The following FHIT variants were observed in gnomAD, a reference collection of about 807,000 sequenced individuals.
FHIT encodes the protein bis(5'-adenosyl)-triphosphatase.
Under a neutral mutation model 17.9 loss-of-function variants are expected in FHIT, and 19 were observed. The ratio of observed to expected loss-of-function variants is 1.06; its 90% confidence interval spans 0.74 to 1.56. The LOEUF is 1.56. Among genes scored for constraint, FHIT ranks in the 40% most tolerant of loss-of-function variants. The pLI is 0.00. For missense variants in FHIT, 248 were observed against 189.2 expected (o/e 1.31, Z -1.82); for synonymous variants, 81 against 69.7 (o/e 1.16, Z -0.81).
chr3:60,806,823 G>A (rs1415884521), intron 4 of FHIT, among the ~76,000 whole-genome samples: 1 of 152,220 alleles, frequency 6.6e-6, no homozygotes, highest in Non-Finnish European at 1.5e-5. Flanking sequence ...GGAGTGCATA[G>A]AAGGATTAAG....
chr3:60,150,610 T>C (rs907261734), intron 5 of FHIT, among the ~76,000 whole-genome samples: 2 of 152,190 alleles, frequency 1.3e-5, no homozygotes, highest in Non-Finnish European at 2.9e-5. Flanking sequence ...GTGTGCACCT[T>C]AATTATTTTA....
At chr3:59,861,169 G>A (rs191203178) in intron 8 of FHIT, among the ~76,000 whole-genome samples, 2 of 152,122 alleles carry the variant, frequency 1.3e-5, no homozygotes, top group African/African-American at 2.4e-5. Context: ...TGGTATATAG[G>A]GTAAGTGCAA....
At chr3:60,871,852 G>T (rs548859614) in intron 3 of FHIT, among the ~76,000 whole-genome samples, 8 of 151,682 alleles carry the variant, frequency 5.3e-5, no homozygotes, top group African/African-American at 1.9e-4. Flanking sequence ...TTGTAGAGAC[G>T]AGGTCTTGCT....
intron 5 of FHIT, among the ~76,000 whole-genome samples, chr3:60,484,903 C>A (rs188316075): frequency 1.2e-4 from 18 of 152,102 alleles, no homozygotes; most frequent in Admixed American, 1.1e-3. Flanking sequence ...TTGCAATCTA[C>A]GCATCTGACA....
intron 8 of FHIT, among the ~76,000 whole-genome samples, chr3:59,824,416 A>C (rs1287230499): frequency 6.6e-6 from 1 of 152,258 alleles, no homozygotes; most frequent in East Asian, 1.9e-4. Context: ...AAGCAACAGC[A>C]CATGCTAGGT....
intron 5 of FHIT, among the ~76,000 whole-genome samples, chr3:60,135,726 C>A (rs984259704): frequency 6.6e-6 from 1 of 152,114 alleles, no homozygotes; most frequent in East Asian, 1.9e-4. Context: ...AAGGACATAG[C>A]AGAGACTCCA....
At chr3:60,861,366 C>T (rs1703880718) in intron 3 of FHIT, among the ~76,000 whole-genome samples, 1 of 145,746 alleles carries the variant, frequency 6.9e-6, no homozygotes, top group Non-Finnish European at 1.5e-5. Context: ...CTGGGCACTA[C>T]TGATATTTTG....
intron 5 of FHIT, among the ~76,000 whole-genome samples, chr3:60,159,576 T>C (rs1255117020): frequency 6.6e-6 from 1 of 152,212 alleles, no homozygotes; most frequent in Non-Finnish European, 1.5e-5. Flanking sequence ...TTCTTAGCAA[T>C]CTACCTTTTT....
rs147242588 is a variant in FHIT at position 60,265,739 on chromosome 3, T to C, written c.104-251587A>G. On this transcript the variant is annotated intron_variant, in intron 5 of 9. Coordinates refer to ENST00000492590, the MANE Select transcript of FHIT (RefSeq NM_002012.4). Reference sequence around the variant, plus strand: ...CTTTTTCAACTCAATAATAAATAGATGATTCAAATTTTTTAAATGGGTAAA... The same window carrying C: ...CTTTTTCAACTCAATAATAAATAGACGATTCAAATTTTTTAAATGGGTAAA... Among the ~76,000 whole-genome samples the C allele has an allele frequency of 3.2e-4, 49 of 152,002 alleles. 1 individual carries two copies. In the East Asian group the frequency reaches 5.0e-3, roughly 16 times the overall value.
chr3:60,283,458 G>A (rs1253619230), intron 5 of FHIT, among the ~76,000 whole-genome samples: 1 of 151,926 alleles, frequency 6.6e-6, no homozygotes, highest in Non-Finnish European at 1.5e-5. Context: ...GTAATTCAAT[G>A]CTTTTCAGTA....
At chr3:59,985,252 C>G (rs560429138) in intron 7 of FHIT, among the ~76,000 whole-genome samples, 4 of 152,228 alleles carry the variant, frequency 2.6e-5, no homozygotes, top group African/African-American at 9.6e-5. Flanking sequence ...CCCAAATGAT[C>G]TCCATTACAA....
At chr3:60,760,952 A>T (rs1445357962) in intron 4 of FHIT, among the ~76,000 whole-genome samples, 1 of 151,972 alleles carries the variant, frequency 6.6e-6, no homozygotes, top group African/African-American at 2.4e-5. Context: ...TTTATTTTAG[A>T]CTCTTTCTCA....
At chr3:60,091,250 G>C (rs1703717683) in intron 5 of FHIT, among the ~76,000 whole-genome samples, 1 of 152,196 alleles carries the variant, frequency 6.6e-6, no homozygotes. Flanking sequence ...AGCCCATCCA[G>C]GCAAGGACAT....
chr3:60,839,727 G>T (rs1255762494), intron 3 of FHIT, among the ~76,000 whole-genome samples: 1 of 151,972 alleles, frequency 6.6e-6, no homozygotes, highest in Non-Finnish European at 1.5e-5. Context: ...CTGACCCTCT[G>T]CCCAGCCACA....
intron 4 of FHIT, among the ~76,000 whole-genome samples, chr3:60,596,486 A>T (rs541029554): frequency 6.6e-6 from 1 of 152,002 alleles, no homozygotes; most frequent in Non-Finnish European, 1.5e-5. Context: ...AACATGACCT[A>T]ATCTCCAAAA....
In FHIT at chr3:61,024,424, G is replaced by T. The variant is rs560014720; in HGVS notation, c.-111+17623C>A. On this transcript the variant is annotated intron_variant, in intron 3 of 9. Transcript: ENST00000492590. ...CTGGTAAGATTAGGTCTTCAAAGAGGCTGAGCTAAGAATTCTCCTAAGCTT... is the reference window on the plus strand; with the variant it reads ...CTGGTAAGATTAGGTCTTCAAAGAGTCTGAGCTAAGAATTCTCCTAAGCTT... Among the ~76,000 whole-genome samples the T allele has an allele frequency of 1.1e-3, 170 of 152,162 alleles. 3 individuals carry two copies. The highest frequency in any genetic ancestry group is 3.9e-3 in the African/African-American group (161 of 41,516).
intron 5 of FHIT, among the ~76,000 whole-genome samples, chr3:60,380,416 A>G (rs781707685): frequency 3.4e-4 from 52 of 152,228 alleles, no homozygotes; most frequent in Non-Finnish European, 6.0e-4. Context: ...CTGCAGAACC[A>G]TGAACCAAAC....
chr3:59,755,342 G>C (rs1398424596), intron 8 of FHIT, among the ~76,000 whole-genome samples: 1 of 152,184 alleles, frequency 6.6e-6, no homozygotes, highest in Non-Finnish European at 1.5e-5. Context: ...CAAGACTTGT[G>C]TCCTAGAAGA....
In FHIT at chr3:60,243,479, A is replaced by T. The variant is rs113033554; in HGVS notation, c.104-229327T>A. Among the ~76,000 whole-genome samples, 244 of 152,216 alleles carry T rather than the reference A, an allele frequency of 1.6e-3. 3 individuals are homozygous for T. Among genetic ancestry groups the T allele is most frequent in the African/African-American group, 5.3e-3 (220 of 41,562 alleles). On this transcript the variant is annotated intron_variant, in intron 5 of 9. Coordinates refer to ENST00000492590, the MANE Select transcript of FHIT (RefSeq NM_002012.4). ...GGGAGAGCTTGACCTGTGCCTGCAT[A>T]CACTCTAGGGACTGAGCTTAAAATC...
Sources: allele counts gnomAD v4.1 joint callset (sites outside exome capture counted in the v4.1 genomes callset), GRCh38; gene constraint gnomAD v4.1.1; transcripts MANE v1.5; gene names NCBI Gene and HGNC (gene_info 2026-07-23, HGNC 2026-07-21).